PACRG: variants seen among roughly 807,000 people sequenced by gnomAD.
PACRG encodes parkin coregulated gene protein.
In PACRG, 29 loss-of-function variants were observed where a neutral mutation model predicts 29.7. That is an observed-to-expected ratio of 0.98 (90% CI 0.73 to 1.33). The LOEUF (loss-of-function observed/expected upper bound fraction) is 1.33. Ranked by LOEUF, PACRG falls within the 40% of genes most tolerant of loss-of-function variation. The pLI is 0.00. For missense variants in PACRG, 279 were observed against 316.2 expected (o/e 0.88, Z 0.89); for synonymous variants, 116 against 118.7 (o/e 0.98, Z 0.15).
At chr6:162,727,956 C>T (rs1779398649), upstream of PACRG, 2 of 597,422 alleles carry the variant, frequency 3.3e-6, no homozygotes, top group Admixed American at 6.0e-5. Context: ...GGCTATGCGC[C>T]CGCCGTGTTG....
At chr6:162,822,751 A>G (rs1787946121) in intron 2 of PACRG, among the ~76,000 whole-genome samples, 1 of 152,222 alleles carries the variant, frequency 6.6e-6, no homozygotes. Context: ...ACTTTCATGT[A>G]CATAAAACAC....
chr6:162,873,898 GCATT>G (rs1488337339), intron 2 of PACRG, among the ~76,000 whole-genome samples: 2 of 152,022 alleles, frequency 1.3e-5, no homozygotes, highest in Non-Finnish European at 2.9e-5. Context: ...AAATAACTGC[GCATT>G]CACTCTTAGA....
Position 163,150,421 on chromosome 6 carries a change from T to A in PACRG, c.613+61013T>A, listed in dbSNP as rs527573661. ...CTTCTGTCCCTCTGGGACCTTACCT[T>A]CCTGCTCCCTCGCCTGTGCTCACAC... is the stretch of plus-strand genomic sequence containing the variant. On this transcript the variant is annotated intron_variant, in intron 4 of 4. Coordinates refer to ENST00000366888, the MANE Select transcript of PACRG (RefSeq NM_001080379.2). Among the ~76,000 whole-genome samples the A allele has an allele frequency of 2.6e-5, 4 of 152,248 alleles. No homozygotes were observed. In the East Asian group the frequency reaches 7.8e-4, roughly 30 times the overall value.
intron 2 of PACRG, among the ~76,000 whole-genome samples, chr6:162,825,138 T>A (rs192507469): frequency 1.4e-3 from 208 of 152,352 alleles, no homozygotes; most frequent in African/African-American, 4.6e-3. Context: ...TCAATCCACA[T>A]ACCTATGTAT....
At chr6:163,241,431 A>C (rs1310909926) in intron 4 of PACRG, among the ~76,000 whole-genome samples, 2 of 152,196 alleles carry the variant, frequency 1.3e-5, no homozygotes, top group Non-Finnish European at 2.9e-5. Flanking sequence ...TGTGTATGTA[A>C]TACGCAGCCC....
chr6:163,176,907 A>T (rs1275660510), intron 4 of PACRG, among the ~76,000 whole-genome samples: 1 of 152,238 alleles, frequency 6.6e-6, no homozygotes, highest in African/African-American at 2.4e-5. Flanking sequence ...GGAATCTGGG[A>T]CAGTCAGCTG....
chr6:163,128,725 T>TA (rs1816613002), intron 4 of PACRG, among the ~76,000 whole-genome samples: 1 of 151,600 alleles, frequency 6.6e-6, no homozygotes, highest in Admixed American at 6.6e-5. Flanking sequence ...ACTGTGTACA[T>TA]ATTATGCATA....
At chr6:163,073,344 C>A (rs565440089) in intron 3 of PACRG, among the ~76,000 whole-genome samples, 4 of 152,232 alleles carry the variant, frequency 2.6e-5, no homozygotes, top group East Asian at 1.9e-4. Flanking sequence ...AAAAGAAAAT[C>A]TCTTCAATAA....
chr6:163,303,021 C>T (rs4708989), intron 4 of PACRG, among the ~76,000 whole-genome samples: 31,569 of 151,878 alleles, frequency 0.21, 4,232 homozygotes, highest in African/African-American at 0.38. Context: ...AATGTGTTTG[C>T]TGATAACATT....
At chr6:163,289,802 C>A (rs889064348) in intron 4 of PACRG, among the ~76,000 whole-genome samples, 2 of 151,980 alleles carry the variant, frequency 1.3e-5, no homozygotes, top group East Asian at 3.9e-4. Flanking sequence ...CCACCTTGAC[C>A]ACAGCACCAC....
At chr6:163,081,882 A>G (rs1046496471) in intron 3 of PACRG, among the ~76,000 whole-genome samples, 2 of 152,196 alleles carry the variant, frequency 1.3e-5, no homozygotes, top group African/African-American at 4.8e-5. Flanking sequence ...TCAGCACTAT[A>G]ATGCTATATT....
chr6:163,230,383 A>C (rs1781974911), intron 4 of PACRG, among the ~76,000 whole-genome samples: 1 of 152,216 alleles, frequency 6.6e-6, no homozygotes, highest in Non-Finnish European at 1.5e-5. Context: ...TTTTTAGTGT[A>C]ATAAAATATT....
intron 4 of PACRG, among the ~76,000 whole-genome samples, chr6:163,287,173 T>C (rs1419545025): frequency 6.6e-6 from 1 of 152,132 alleles, no homozygotes; most frequent in Non-Finnish European, 1.5e-5. Context: ...TTCAGGACAA[T>C]GTCAGGCTGC....
At chr6:162,825,733 C>T (rs963206113) in intron 2 of PACRG, among the ~76,000 whole-genome samples, 2 of 152,066 alleles carry the variant, frequency 1.3e-5, no homozygotes, top group South Asian at 2.1e-4. Context: ...GAGGCCCTCG[C>T]GGCCTGGGTT....
At chr6:163,297,826 G>C (rs1282304262) in intron 4 of PACRG, among the ~76,000 whole-genome samples, 1 of 152,120 alleles carries the variant, frequency 6.6e-6, no homozygotes, top group East Asian at 1.9e-4. Context: ...GGGTGGGTGG[G>C]TGTGCAGTCA....
intron 2 of PACRG, among the ~76,000 whole-genome samples, chr6:162,847,978 A>AG (rs1447965651): frequency 6.6e-6 from 1 of 152,110 alleles, no homozygotes; most frequent in Non-Finnish European, 1.5e-5. Flanking sequence ...GAGAAATTGG[A>AG]GGGGGCAGAC....
chr6:163,103,071 G>A (rs140629000), intron 4 of PACRG, among the ~76,000 whole-genome samples: 17 of 152,238 alleles, frequency 1.1e-4, no homozygotes, highest in African/African-American at 3.9e-4. Context: ...AAATTTAGCC[G>A]CTTAGGACAA....
intron 2 of PACRG, among the ~76,000 whole-genome samples, chr6:162,831,129 T>G (rs1788735957): frequency 6.6e-6 from 1 of 152,148 alleles, no homozygotes; most frequent in African/African-American, 2.4e-5. Context: ...TGATGGTATT[T>G]GGAGCACGGA....
At chr6:163,110,802 C>T (rs901059094) in intron 4 of PACRG, among the ~76,000 whole-genome samples, 9 of 152,310 alleles carry the variant, frequency 5.9e-5, no homozygotes, top group African/African-American at 1.4e-4. Context: ...AAGCAAACAC[C>T]GCCTCTTGAA....
Sources: allele counts gnomAD v4.1 joint callset (sites outside exome capture counted in the v4.1 genomes callset), GRCh38; gene constraint gnomAD v4.1.1; transcripts MANE v1.5; gene names NCBI Gene and HGNC (gene_info 2026-07-23, HGNC 2026-07-21).